The following FIRRM variants were observed in gnomAD, a reference collection of about 807,000 sequenced individuals.
FIRRM encodes the protein FIGNL1-interacting regulator of recombination and mitosis.
chr1:169,789,974 A>C, the FIRRM span, among the ~76,000 whole-genome samples: 1 of 152,200 alleles, frequency 6.6e-6, no homozygotes, highest in Non-Finnish European at 1.5e-5. Flanking sequence ...AATATTATAA[A>C]TCTTGTTTTG....
At chr1:169,810,834 A>ATTTTTTTTTTTTTTTTTTTTTTTTTTT in the FIRRM span, among the ~76,000 whole-genome samples, 4 of 61,208 alleles carry the variant, frequency 6.5e-5, 1 homozygote, top group African/African-American at 2.1e-4. Flanking sequence ...TTAGCCCCCA[A>ATTTTTTTTTTTTTTTTTTTTTTTTTTT]TTTTTTTTTT....
At chr1:169,831,415 T>C in the FIRRM span, among the ~76,000 whole-genome samples, 1 of 152,196 alleles carries the variant, frequency 6.6e-6, no homozygotes, top group South Asian at 2.1e-4. Flanking sequence ...TATTGTATCA[T>C]ATATTTCTTG....
At chr1:169,832,182 T>C in the FIRRM span, among the ~76,000 whole-genome samples, 1 of 152,338 alleles carries the variant, frequency 6.6e-6, no homozygotes, top group South Asian at 2.1e-4. Flanking sequence ...TACCCAGTTA[T>C]CATCAAAATG....
At chr1:169,831,054 A>G in the FIRRM span, among the ~76,000 whole-genome samples, 1 of 152,194 alleles carries the variant, frequency 6.6e-6, no homozygotes, top group Non-Finnish European at 1.5e-5. Context: ...AATAAGAGCG[A>G]CTTATAATTG....
chr1:169,790,344 G>A, the FIRRM span, among the ~76,000 whole-genome samples: 8 of 151,888 alleles, frequency 5.3e-5, no homozygotes, highest in African/African-American at 1.2e-4. Context: ...GCACCACCAC[G>A]CCCACCTAAT....
the FIRRM span, chr1:169,849,501 A>G: frequency 6.2e-7 from 1 of 1,610,986 alleles, no homozygotes; most frequent in Non-Finnish European, 8.5e-7. Context: ...TTCTTTTAGG[A>G]CAGAATTCTG....
the FIRRM span, among the ~76,000 whole-genome samples, chr1:169,808,444 C>T: frequency 1.3e-5 from 2 of 151,984 alleles, no homozygotes; most frequent in African/African-American, 4.8e-5. Context: ...ACATTATATT[C>T]TAAAAATTTG....
chr1:169,823,833 A>G, the FIRRM span, among the ~76,000 whole-genome samples: 3 of 152,188 alleles, frequency 2.0e-5, no homozygotes, highest in African/African-American at 7.2e-5. Flanking sequence ...CTTAGCCTCC[A>G]TTTAAATTTA....
At chr1:169,847,530 A>G in the FIRRM span, among the ~76,000 whole-genome samples, 1 of 152,078 alleles carries the variant, frequency 6.6e-6, no homozygotes, top group Non-Finnish European at 1.5e-5. Flanking sequence ...GTCTTATTTA[A>G]ATTCTACCAG....
At chr1:169,812,731 C>G in the FIRRM span, among the ~76,000 whole-genome samples, 8 of 151,986 alleles carry the variant, frequency 5.3e-5, no homozygotes, top group South Asian at 1.3e-3. Flanking sequence ...ATGGTGCGCA[C>G]CTGTAATGCC....
the FIRRM span, chr1:169,843,611 G>C: frequency 1.3e-5 from 12 of 938,680 alleles, no homozygotes; most frequent in Admixed American, 2.2e-4. Context: ...CTCAATAAAA[G>C]CTTGCTATTA....
At chr1:169,790,754 T>C in the FIRRM span, among the ~76,000 whole-genome samples, 1 of 152,238 alleles carries the variant, frequency 6.6e-6, no homozygotes, top group Non-Finnish European at 1.5e-5. Context: ...CAGTGATTTG[T>C]ACCTCAATTC....
At chr1:169,807,957 A>G in the FIRRM span, 12 of 1,588,936 alleles carry the variant, frequency 7.6e-6, no homozygotes, top group Non-Finnish European at 6.0e-6. Context: ...AGCATTTTAA[A>G]CAGCAACTCT....
chr1:169,804,391 G>A, the FIRRM span: 1 of 638,458 alleles, frequency 1.6e-6, no homozygotes, highest in East Asian at 3.6e-5. Context: ...TTGAAATTTG[G>A]AATTTGTAAA....
At chr1:169,840,504 CTTTT>C in the FIRRM span, among the ~76,000 whole-genome samples, 507 of 147,428 alleles carry the variant, frequency 3.4e-3, 1 homozygote, top group Non-Finnish European at 5.8e-3. Context: ...GTGTTCTTTT[CTTTT>C]TTCTTTTTTT....
chr1:169,806,023 T>G, the FIRRM span: 2 of 1,601,702 alleles, frequency 1.2e-6, no homozygotes, highest in Admixed American at 3.4e-5. Context: ...CTTTATTGGA[T>G]ATCTGCTCTG....
the FIRRM span, among the ~76,000 whole-genome samples, chr1:169,838,592 C>G: frequency 6.6e-6 from 1 of 152,104 alleles, no homozygotes; most frequent in African/African-American, 2.4e-5. Flanking sequence ...TGGGCTTAAG[C>G]GATTATCCTG....
chr1:169,820,381 C>T, the FIRRM span, among the ~76,000 whole-genome samples: 3 of 152,158 alleles, frequency 2.0e-5, no homozygotes, highest in Non-Finnish European at 4.4e-5. Flanking sequence ...AGGATAAAAG[C>T]TCCCCACGTC....
the FIRRM span, among the ~76,000 whole-genome samples, chr1:169,791,477 G>C: frequency 1.3e-5 from 2 of 152,224 alleles, no homozygotes; most frequent in Admixed American, 1.3e-4. Context: ...ACTGGGTGAT[G>C]AAAGAGTGTA....
Sources: gnomAD v4.1 joint callset for allele counts (sites outside exome capture counted in the v4.1 genomes callset) on GRCh38, gnomAD v4.1.1 for gene constraint, MANE v1.5 for transcripts, NCBI Gene and HGNC (gene_info 2026-07-23, HGNC 2026-07-21) for gene names.